The following CNTN5 variants were observed in gnomAD, a reference collection of about 807,000 sequenced individuals.
The protein encoded by CNTN5 is contactin-5.
A neutral mutation model predicts 129.1 loss-of-function variants in CNTN5; 77 were observed. The ratio of observed to expected loss-of-function variants is 0.60; its 90% CI spans 0.50 to 0.72. The LOEUF (loss-of-function observed/expected upper bound fraction) is 0.72. Among genes scored for constraint, CNTN5 ranks in the 30% least tolerant of loss-of-function variants. CNTN5 has a pLI of 0.00. For missense variants in CNTN5, 1,478 were observed against 1,328.8 expected, an observed-to-expected ratio of 1.11 and a Z score of -1.75; for synonymous variants, 509 against 465.6, an observed-to-expected ratio of 1.09 and a Z score of -1.20.
At chr11:99,780,373 A>T (rs1219889687) in intron 3 of CNTN5, among the ~76,000 whole-genome samples, 1 of 152,134 alleles carries the variant, frequency 6.6e-6, no homozygotes, top group East Asian at 1.9e-4. Flanking sequence ...ATAGAAGATT[A>T]GAAATTTGCT....
At chr11:99,145,628 T>C (rs1263102615) in intron 1 of CNTN5, among the ~76,000 whole-genome samples, 1 of 152,178 alleles carries the variant, frequency 6.6e-6, no homozygotes, top group African/African-American at 2.4e-5. Flanking sequence ...TTAGAGTATC[T>C]TATTTTATTC....
intron 1 of CNTN5, among the ~76,000 whole-genome samples, chr11:99,118,692 A>G (rs1858159918): frequency 1.3e-5 from 2 of 152,160 alleles, no homozygotes; most frequent in African/African-American, 4.8e-5. Flanking sequence ...CCTAAATATC[A>G]TCTAATTACA....
At chr11:99,936,226 G>C (rs1209605430) in intron 7 of CNTN5, among the ~76,000 whole-genome samples, 1 of 152,150 alleles carries the variant, frequency 6.6e-6, no homozygotes, top group South Asian at 2.1e-4. Flanking sequence ...AATAGCAGGG[G>C]TTGCAGACAT....
At chr11:100,092,787 G>C (rs188894309) in intron 13 of CNTN5, among the ~76,000 whole-genome samples, 1 of 146,898 alleles carries the variant, frequency 6.8e-6, no homozygotes, top group African/African-American at 2.5e-5. Flanking sequence ...GGAGGCGGAG[G>C]TGGGGTGCAG....
intron 3 of CNTN5, among the ~76,000 whole-genome samples, chr11:99,775,349 TTCCTGGGGA>T: frequency 1.7e-5 from 2 of 120,600 alleles, no homozygotes; most frequent in Non-Finnish European, 3.7e-5. Context: ...AGATGCAGAT[TTCCTGGGGA>T]TAAATGGTTG....
chr11:99,573,331 G>A (rs1949236006), intron 3 of CNTN5, among the ~76,000 whole-genome samples: 1 of 152,044 alleles, frequency 6.6e-6, no homozygotes, highest in Non-Finnish European at 1.5e-5. Flanking sequence ...AGCACTTTGG[G>A]CGGCCTAGGC....
At position 99,901,349 on chromosome 11, in the gene CNTN5, G is replaced by A. The variant is rs540278656; in HGVS notation, c.578-14705G>A. Reference sequence around the variant, plus strand: ...TTTGTTGGTCAGGCTGGAGTGCAGCGGCACGATCTTGGCTCACTGCCACCT... The same window carrying A: ...TTTGTTGGTCAGGCTGGAGTGCAGCAGCACGATCTTGGCTCACTGCCACCT... On this transcript the variant is annotated intron_variant, in intron 6 of 24. Coordinates refer to ENST00000524871, the MANE Select transcript of CNTN5 (RefSeq NM_014361.4). Among the ~76,000 whole-genome samples the A allele has an allele frequency of 1.4e-4, 21 of 151,934 alleles. No individual in the cohort carries two copies. In the South Asian group the frequency reaches 2.5e-3, roughly 18 times the overall value.
intron 1 of CNTN5, among the ~76,000 whole-genome samples, chr11:99,125,344 T>A (rs1278007460): frequency 1.3e-5 from 2 of 149,412 alleles, no homozygotes; most frequent in Non-Finnish European, 1.5e-5. Context: ...TCAACAGAAC[T>A]AAAAAAAAAA....
intron 13 of CNTN5, among the ~76,000 whole-genome samples, chr11:100,092,646 G>T (rs1268413294): frequency 6.6e-6 from 1 of 152,100 alleles, no homozygotes; most frequent in Non-Finnish European, 1.5e-5. Flanking sequence ...AAAATTTAGA[G>T]GTGGCACACC....
At chr11:99,975,986 AC>A (rs547857383) in intron 8 of CNTN5, among the ~76,000 whole-genome samples, 3 of 152,214 alleles carry the variant, frequency 2.0e-5, no homozygotes, top group Non-Finnish European at 1.5e-5. Context: ...AAATAAAAAA[AC>A]AAGTTAGTTA....
intron 3 of CNTN5, among the ~76,000 whole-genome samples, chr11:99,757,685 C>G (rs1944447961): frequency 1.3e-5 from 2 of 152,024 alleles, no homozygotes. Context: ...GGGTATTACT[C>G]TCAACCCAAT....
intron 3 of CNTN5, among the ~76,000 whole-genome samples, chr11:99,662,451 T>C (rs554462555): frequency 1.3e-5 from 2 of 152,258 alleles, no homozygotes; most frequent in African/African-American, 2.4e-5. Flanking sequence ...TAGATAAAAG[T>C]AGTATACAGA....
chr11:99,773,233 A>C, intron 3 of CNTN5, among the ~76,000 whole-genome samples: 1 of 152,144 alleles, frequency 6.6e-6, no homozygotes, highest in East Asian at 1.9e-4. Flanking sequence ...CAAGGTTAAA[A>C]GATGTTGGCC....
intron 3 of CNTN5, among the ~76,000 whole-genome samples, chr11:99,759,988 C>T (rs887004746): frequency 1.3e-5 from 2 of 151,972 alleles, no homozygotes; most frequent in Non-Finnish European, 2.9e-5. Context: ...GTTTCAGACA[C>T]ACAGAGTTTG....
chr11:99,304,529 C>G (rs1178417916), intron 1 of CNTN5, among the ~76,000 whole-genome samples: 2 of 152,154 alleles, frequency 1.3e-5, no homozygotes, highest in African/African-American at 4.8e-5. Flanking sequence ...TGGAGAGAAT[C>G]TAAGAGTTAT....
chr11:99,819,618 T>A lies in CNTN5; in HGVS notation c.130T>A (p.Ser44Thr). The change falls in exon 4 of 25, where the codon TCT becomes ACT. Residue 44 changes from serine to threonine, a missense_variant. Coordinates refer to ENST00000524871, the MANE Select transcript of CNTN5 (RefSeq NM_014361.4). ...AAGAATTAAGAAGAGTTCATCTTCA[T>A]CTCTCTTTGGTTCCAAAACCAGACC... ...LLRIKKSSSS[S>T]LFGSKTRPRY... 6.2e-7 allele frequency: 1 copy of A among 1,613,044 alleles called. No homozygotes were observed. The highest frequency in any genetic ancestry group is 8.5e-7 in the Non-Finnish European group (1 of 1,179,814).
chr11:99,633,787 G>T (rs1390979330), intron 3 of CNTN5, among the ~76,000 whole-genome samples: 4 of 152,188 alleles, frequency 2.6e-5, no homozygotes, highest in Non-Finnish European at 4.4e-5. Flanking sequence ...CACATAAGAT[G>T]TGTAGAGCTT....
chr11:100,039,147 C>G (rs989424118), intron 9 of CNTN5, among the ~76,000 whole-genome samples: 1 of 152,144 alleles, frequency 6.6e-6, no homozygotes, highest in African/African-American at 2.4e-5. Context: ...TTCAGTAGCT[C>G]TTTTAGGGCA....
chr11:99,771,549 G>A (rs1157368056), intron 3 of CNTN5, among the ~76,000 whole-genome samples: 2 of 151,928 alleles, frequency 1.3e-5, no homozygotes, highest in South Asian at 2.1e-4. Flanking sequence ...AGCAAGACAA[G>A]GAAAGACAAA....
Sources: gnomAD v4.1 joint callset for allele counts (sites outside exome capture counted in the v4.1 genomes callset) on GRCh38, gnomAD v4.1.1 for gene constraint, MANE v1.5 for transcripts, NCBI Gene and HGNC (gene_info 2026-07-23, HGNC 2026-07-21) for gene names.